Variants in AP4E1 observed in about 807,000 individuals in gnomAD.
AP4E1 encodes the protein AP-4 complex subunit epsilon-1.
AP4E1 carries 56 observed loss-of-function variants against 128.2 expected under a neutral mutation model. The observed-to-expected ratio is 0.44, with a 90% confidence interval of 0.35 to 0.55. The LOEUF (loss-of-function observed/expected upper bound fraction) is 0.55, where lower values mean the gene tolerates loss of function less well. Ranked by LOEUF, AP4E1 falls within the 20% of genes least tolerant of loss-of-function variation. The pLI is 0.00. For synonymous variants in AP4E1, 484 were observed against 473.1 expected, an observed-to-expected ratio of 1.02 and a Z score of -0.30; for missense variants, 1,324 against 1,307.7, an observed-to-expected ratio of 1.01 and a Z score of -0.19.
chr15:50,981,052 C>G (rs1484713335), intron 15 of AP4E1, among the ~76,000 whole-genome samples: 1 of 152,086 alleles, frequency 6.6e-6, no homozygotes. Flanking sequence ...ACAGAGAGTC[C>G]CCACCAGGGC....
intron 15 of AP4E1, among the ~76,000 whole-genome samples, chr15:50,981,511 A>G (rs1441003049): frequency 1.3e-5 from 2 of 152,164 alleles, no homozygotes; most frequent in African/African-American, 4.8e-5. Flanking sequence ...TCTCACCCAT[A>G]TCTGATTTAG....
In AP4E1 at chr15:51,004,742, AAAAC is replaced by A. The variant is rs542361782; in HGVS notation, c.*2087_*2090del. On this transcript the variant is annotated 3_prime_UTR_variant, in exon 21 of 21. Coordinates refer to ENST00000261842, the MANE Select transcript of AP4E1 (RefSeq NM_007347.5). ...CACTTTTTATATTTTTATGATTTTA[AAAAC>A]AAACAATAATAGAAAAACAGATTTT... 90 of 152,768 alleles carry A rather than the reference AAAAC, an allele frequency of 5.9e-4. No homozygotes were observed. The highest frequency in any genetic ancestry group is 4.4e-3 in the East Asian group (23 of 5,186). 9.5% of individuals were successfully genotyped at this position (152,768 alleles called of 1,614,324 possible). A position where few individuals can be genotyped will look rare whatever the true frequency, so the allele number is the denominator to read the frequency against.
At chr15:50,949,688 A>C (rs1463146841) in intron 11 of AP4E1, 138 bp from the exon 12 acceptor site, 4 of 705,820 alleles carry the variant, frequency 5.7e-6, no homozygotes, top group African/African-American at 3.5e-5. Context: ...ACTGGGGTAC[A>C]GAACAATTTA....
chr15:50,968,785 A>G (rs2064432448), intron 15 of AP4E1, among the ~76,000 whole-genome samples: 1 of 151,926 alleles, frequency 6.6e-6, no homozygotes, highest in South Asian at 2.1e-4. Flanking sequence ...GTGCCACCAC[A>G]CCCAGCTAAA....
At chr15:50,949,211 G>A (rs1174144880) in intron 11 of AP4E1, among the ~76,000 whole-genome samples, 3 of 150,950 alleles carry the variant, frequency 2.0e-5, no homozygotes, top group Non-Finnish European at 3.0e-5. Context: ...AGGAGTTCAC[G>A]ACCAGCCTGG....
chr15:50,916,261 C>T (rs1442023609), intron 3 of AP4E1, among the ~76,000 whole-genome samples: 1 of 152,062 alleles, frequency 6.6e-6, no homozygotes, highest in Non-Finnish European at 1.5e-5. Context: ...TCTGTTTAAC[C>T]TTATTAGTTT....
chr15:50,915,407 TTC>T, intron 2 of AP4E1, 39 bp from the exon 3 acceptor site: 1 of 1,587,772 alleles, frequency 6.3e-7, no homozygotes, highest in Non-Finnish European at 8.6e-7. Flanking sequence ...AATCTAAATA[TTC>T]TGTTTATTTA....
At chr15:50,987,363 C>G (rs529531995) in intron 16 of AP4E1, among the ~76,000 whole-genome samples, 1 of 152,224 alleles carries the variant, frequency 6.6e-6, no homozygotes, top group East Asian at 1.9e-4. Context: ...TGTGTTTGCT[C>G]TTGCTTCTCT....
chr15:50,941,915 C>CT, intron 10 of AP4E1, 140 bp downstream of exon 10: 2 of 684,322 alleles, frequency 2.9e-6, no homozygotes, highest in Non-Finnish European at 2.5e-6. Flanking sequence ...GTATTTAATC[C>CT]TTTTTTTGTT....
intron 15 of AP4E1, among the ~76,000 whole-genome samples, chr15:50,979,105 T>C (rs1265787803): frequency 6.6e-6 from 1 of 152,162 alleles, no homozygotes; most frequent in African/African-American, 2.4e-5. Flanking sequence ...TTAAACTCTT[T>C]ATCTTTAATG....
Position 50,993,500 on chromosome 15 carries a change from G to A in AP4E1, c.2221G>A (p.Val741Ile), listed in dbSNP as rs1307460553. ...TCCTCAAGAGAGTATAATGGAGAAT[G>A]TAGATCAAGCTATAACTAAAAAGGA... ...PVPQESIMEN[V>I]DQAITKKDQS... Residue 741 changes from valine (V) to isoleucine (I), a missense_variant, in exon 17 of 21, where the codon GTA becomes ATA. Val to Ile is a conservative substitution (Grantham distance 29). Transcript: ENST00000261842. 1 of 1,614,026 alleles carries A rather than the reference G, an allele frequency of 6.2e-7. No individual in the cohort carries two copies. The highest frequency in any genetic ancestry group is 1.7e-5 in the Admixed American group (1 of 59,992).
chr15:50,945,131 A>G (rs2140851752), intron 10 of AP4E1: 2 of 810,766 alleles, frequency 2.5e-6, no homozygotes, highest in Non-Finnish European at 4.5e-6. Context: ...TAGGAAAGAC[A>G]GTGTATACTG....
intron 15 of AP4E1, among the ~76,000 whole-genome samples, chr15:50,975,444 T>G (rs1049753229): frequency 6.6e-6 from 1 of 152,120 alleles, no homozygotes; most frequent in African/African-American, 2.4e-5. Context: ...TACAGTTAAG[T>G]CCTTAGTTCA....
intron 2 of AP4E1, among the ~76,000 whole-genome samples, chr15:50,913,513 A>G (rs796480652): frequency 6.6e-6 from 1 of 152,252 alleles, no homozygotes; most frequent in African/African-American, 2.4e-5. Context: ...TATATCTTAC[A>G]GAGTAGTCTG....
intron 2 of AP4E1, among the ~76,000 whole-genome samples, 175 bp downstream of exon 2, chr15:50,912,324 G>C (rs1299303793): frequency 1.3e-5 from 2 of 152,210 alleles, no homozygotes; most frequent in Middle Eastern, 3.2e-3. Flanking sequence ...TGACTGGTTT[G>C]CACCAGAACA....
chr15:50,949,902 G>A lies in AP4E1; in HGVS notation c.1393G>A (p.Asp465Asn), dbSNP rs145966172. The A allele has an allele frequency of 1.9e-6, 3 of 1,613,640 alleles. No individual in the cohort carries two copies. In the African/African-American group the frequency reaches 4.0e-5, roughly 22 times the overall value. The stretch of plus-strand genomic sequence containing the variant: ...AGTAGGAGGAGATGTAATGCATCCT[G>A]ATATTCCCAATAACTTTCTGAGACT... Reference protein sequence around the residue: ...FSVGGDVMHPDIPNNFLRLLA... With the variant: ...FSVGGDVMHPNIPNNFLRLLA... Residue 465 changes from aspartate to asparagine, a missense_variant, in exon 12 of 21, where the codon GAT (aspartate) becomes AAT (asparagine). Coordinates refer to ENST00000261842, the MANE Select transcript of AP4E1 (RefSeq NM_007347.5).
At chr15:50,975,113 C>T (rs1381665768) in intron 15 of AP4E1, among the ~76,000 whole-genome samples, 1 of 152,178 alleles carries the variant, frequency 6.6e-6, no homozygotes, top group East Asian at 1.9e-4. Context: ...TGTCATAAAG[C>T]AGCTTTTACC....
At chr15:50,984,596 T>C (rs377164212) in intron 16 of AP4E1, among the ~76,000 whole-genome samples, 3 of 151,990 alleles carry the variant, frequency 2.0e-5, no homozygotes, top group African/African-American at 4.8e-5. Flanking sequence ...CTGAGAATGA[T>C]GGTTTCCAGC....
chr15:50,968,306 G>A lies in AP4E1; in HGVS notation c.1895G>A (p.Gly632Glu), dbSNP rs1206701116. ...TTTCTGGATGGTTTTGTGGCTGAAGGACTCAGTCAGGGTGCAGCGCCTTAC... is the reference window on the plus strand; with the variant it reads ...TTTCTGGATGGTTTTGTGGCTGAAGAACTCAGTCAGGGTGCAGCGCCTTAC... ...LSFLDGFVAE[G>E]LSQGAAPYKP... The change falls in exon 15 of 21, where the codon GGA (glycine) becomes GAA (glutamate). Residue 632 changes from glycine to glutamate, a missense_variant. Gly to Glu is a moderately conservative substitution (Grantham distance 98, BLOSUM62 -2). Coordinates refer to ENST00000261842, the MANE Select transcript of AP4E1 (RefSeq NM_007347.5). 1.9e-6 allele frequency: 3 copies of A among 1,613,602 alleles called. No individual in the cohort carries two copies. The highest frequency in any genetic ancestry group is 1.1e-5 in the South Asian group (1 of 91,040).
Sources: allele counts gnomAD v4.1 joint callset (sites outside exome capture counted in the v4.1 genomes callset), GRCh38; gene constraint gnomAD v4.1.1; transcripts MANE v1.5; gene names NCBI Gene and HGNC (gene_info 2026-07-23, HGNC 2026-07-21).